The following GABRG3 variants were observed in gnomAD, a reference collection of about 807,000 sequenced individuals.
GABRG3 encodes the protein gamma-aminobutyric acid receptor subunit gamma-3.
In GABRG3, 25 loss-of-function variants were observed where a neutral mutation model predicts 48.8. The ratio of observed to expected loss-of-function variants is 0.51; its 90% CI spans 0.37 to 0.72. GABRG3 has a LOEUF of 0.72. GABRG3 is among the 30% of genes least tolerant of loss of function. GABRG3 has a pLI of 0.00. For synonymous variants in GABRG3, 227 were observed against 217.6 expected (o/e 1.04, Z -0.38); for missense variants, 394 against 577.9 (o/e 0.68, Z 3.26).
intron 3 of GABRG3, among the ~76,000 whole-genome samples, chr15:27,074,688 C>G (rs1896882967): frequency 6.6e-6 from 1 of 150,882 alleles, no homozygotes; most frequent in Admixed American, 6.6e-5. Flanking sequence ...TTATCCTTAC[C>G]TCGCAAATAA....
intron 3 of GABRG3, among the ~76,000 whole-genome samples, chr15:27,285,554 C>G (rs1002350824): frequency 6.6e-6 from 1 of 151,866 alleles, no homozygotes; most frequent in Non-Finnish European, 1.5e-5. Flanking sequence ...AAAGTTATAA[C>G]AAATAGAAAA....
At chr15:27,307,483 T>TTATATGTTTATATATAAACA in intron 3 of GABRG3, among the ~76,000 whole-genome samples, 1 of 28,490 alleles carries the variant, frequency 3.5e-5, no homozygotes, top group African/African-American at 9.4e-5. Flanking sequence ...AAACATAGGT[T>TTATATGTTTATATATAAACA]TATAGGTTTA....
intron 5 of GABRG3, among the ~76,000 whole-genome samples, chr15:27,472,815 T>C (rs957932103): frequency 2.0e-5 from 3 of 152,292 alleles, no homozygotes; most frequent in Non-Finnish European, 2.9e-5. Flanking sequence ...CATATGTATG[T>C]ATGTATATAT....
chr15:27,234,441 C>T (rs555343446), intron 3 of GABRG3, among the ~76,000 whole-genome samples: 4 of 152,318 alleles, frequency 2.6e-5, no homozygotes, highest in South Asian at 2.1e-4. Flanking sequence ...AACAATAACA[C>T]TTCCTTGCTA....
chr15:27,485,990 A>T (rs1456419296), intron 6 of GABRG3, among the ~76,000 whole-genome samples: 1 of 152,186 alleles, frequency 6.6e-6, no homozygotes, highest in Non-Finnish European at 1.5e-5. Context: ...CATAATGCCT[A>T]TTTGAACCTG....
chr15:27,224,424 C>T (rs1472202482), intron 3 of GABRG3, among the ~76,000 whole-genome samples: 4 of 152,168 alleles, frequency 2.6e-5, no homozygotes, highest in Non-Finnish European at 5.9e-5. Flanking sequence ...TGCTACCTGA[C>T]CCTCACAGCT....
chr15:27,324,071 A>T (rs1313551466), intron 3 of GABRG3, among the ~76,000 whole-genome samples: 1 of 152,224 alleles, frequency 6.6e-6, no homozygotes, highest in Non-Finnish European at 1.5e-5. Flanking sequence ...GTATTTGGCA[A>T]ACAGCACCAA....
intron 5 of GABRG3, among the ~76,000 whole-genome samples, chr15:27,423,191 T>C (rs540298804): frequency 2.8e-4 from 37 of 132,674 alleles, no homozygotes; most frequent in Middle Eastern, 0.01. Flanking sequence ...CAAGCTGGAA[T>C]GGCATGGTTC....
intron 3 of GABRG3, among the ~76,000 whole-genome samples, chr15:27,177,297 T>G (rs1197022902): frequency 6.6e-6 from 1 of 152,224 alleles, no homozygotes; most frequent in Non-Finnish European, 1.5e-5. Context: ...AAAACCAGTC[T>G]TAGGTTTTAC....
chr15:27,040,428 GGT>G (rs1896256157), intron 3 of GABRG3, among the ~76,000 whole-genome samples: 1 of 152,194 alleles, frequency 6.6e-6, no homozygotes, highest in African/African-American at 2.4e-5. Context: ...GGTTGGATGG[GGT>G]GGGGAAATAC....
intron 3 of GABRG3, among the ~76,000 whole-genome samples, chr15:27,253,806 G>A (rs1890532933): frequency 6.6e-6 from 1 of 152,196 alleles, no homozygotes; most frequent in Non-Finnish European, 1.5e-5. Flanking sequence ...TAATGGAATG[G>A]GAAGGAATAA....
chr15:27,151,470 T>TAAGA lies in GABRG3; in HGVS notation c.270+124650_270+124653dup, dbSNP rs546363567. 3.7e-4 allele frequency among the ~76,000 whole-genome samples: 57 copies of TAAGA among 152,120 alleles called. 1 individual carries two copies. The South Asian group carries it at 5.6e-3, about 15-fold the overall frequency. The stretch of plus-strand genomic sequence containing the variant: ...GTATTCCGTAGTATGCTGGGCAGAA[T>TAAGA]AAGAGCCTACCTAAAGATGTTCATT... On this transcript the variant is annotated intron_variant, in intron 3 of 9. Coordinates refer to ENST00000615808, the MANE Select transcript of GABRG3 (RefSeq NM_033223.5).
At chr15:27,056,353 C>CAAAAAA (rs58665097) in intron 3 of GABRG3, among the ~76,000 whole-genome samples, 6 of 56,976 alleles carry the variant, frequency 1.1e-4, no homozygotes, top group East Asian at 4.0e-4. Context: ...ACCCTGTCTC[C>CAAAAAA]AAAAAAAAAA....
intron 3 of GABRG3, among the ~76,000 whole-genome samples, chr15:27,262,606 C>T (rs1442360995): frequency 6.6e-6 from 1 of 152,192 alleles, no homozygotes; most frequent in Non-Finnish European, 1.5e-5. Flanking sequence ...GATGTCCTTA[C>T]CTGGTGTAGA....
chr15:27,251,160 G>A (rs17137727), intron 3 of GABRG3, among the ~76,000 whole-genome samples: 1 of 151,870 alleles, frequency 6.6e-6, no homozygotes, highest in South Asian at 2.1e-4. Flanking sequence ...GGCTGTTTTC[G>A]AAAGTTCCCC....
At chr15:26,973,427 C>T (rs1018668481) in intron 1 of GABRG3, among the ~76,000 whole-genome samples, 2 of 152,204 alleles carry the variant, frequency 1.3e-5, no homozygotes, top group Non-Finnish European at 2.9e-5. Flanking sequence ...TTGCTATATG[C>T]CTCTTCTTTG....
Position 27,402,628 on chromosome 15 carries a change from A to G in GABRG3, c.574+73740A>G, listed in dbSNP as rs142579900. On this transcript the variant is annotated intron_variant, in intron 5 of 9. Coordinates refer to ENST00000615808, the MANE Select transcript of GABRG3 (RefSeq NM_033223.5). ...ACTAAATTATGTCAATCTTAAAATC[A>G]GATTAAGTGGATCCAGGAGAGCTTG... Among the ~76,000 whole-genome samples, 705 of 152,344 alleles carry G rather than the reference A, an allele frequency of 4.6e-3. 2 individuals carry two copies. Among genetic ancestry groups the G allele is most frequent in the African/African-American group, 0.016 (659 of 41,578 alleles).
intron 3 of GABRG3, among the ~76,000 whole-genome samples, chr15:27,297,784 T>G (rs1330972337): frequency 6.6e-6 from 1 of 152,168 alleles, no homozygotes; most frequent in African/African-American, 2.4e-5. Flanking sequence ...ATTGTAACAA[T>G]GTGTTGAGTT....
intron 3 of GABRG3, among the ~76,000 whole-genome samples, chr15:27,063,597 G>A (rs775531542): frequency 6.4e-4 from 97 of 152,338 alleles, no homozygotes; most frequent in Admixed American, 1.6e-3. Context: ...CTCCCTAGAA[G>A]CAGATGCTTC....
Sources: gnomAD v4.1 joint callset for allele counts (sites outside exome capture counted in the v4.1 genomes callset) on GRCh38, gnomAD v4.1.1 for gene constraint, MANE v1.5 for transcripts, NCBI Gene and HGNC (gene_info 2026-07-23, HGNC 2026-07-21) for gene names.